Variants in ACOT12 observed in about 807,000 individuals in gnomAD.
ACOT12 encodes the protein acyl-CoA thioesterase 12.
A neutral mutation model predicts 67.7 loss-of-function variants in ACOT12; 51 were observed. The observed-to-expected ratio is 0.75, with a 90% CI of 0.60 to 0.95. ACOT12 has a LOEUF of 0.95. Among genes scored for constraint, ACOT12 ranks in the 40% least tolerant of loss-of-function variants. The pLI, the probability that ACOT12 is intolerant of heterozygous loss-of-function variation, is 0.00. For missense variants in ACOT12, 734 were observed against 708.1 expected (o/e 1.04, Z -0.41); for synonymous variants, 251 against 244.6 (o/e 1.03, Z -0.24).
chr5:81,356,240 C>T (rs1412369478), intron 5 of ACOT12, among the ~76,000 whole-genome samples: 1 of 152,238 alleles, frequency 6.6e-6, no homozygotes, highest in Non-Finnish European at 1.5e-5. Flanking sequence ...TCACCAATGC[C>T]TTCCTGATTC....
Position 81,345,006 on chromosome 5 carries a change from C to G in ACOT12, c.809G>C (p.Cys270Ser). The G allele has an allele frequency of 1.9e-6, 3 of 1,614,020 alleles. No individual in the cohort carries two copies. Among genetic ancestry groups the G allele is most frequent in the Non-Finnish European group, 2.5e-6 (3 of 1,179,994 alleles). Reference sequence around the variant, plus strand: ...CCCTCGGCCCTCGGCCCATTCCTGACAGTCAAAGGCCTCCACGCGAACTCC... The same window carrying G: ...CCCTCGGCCCTCGGCCCATTCCTGAGAGTCAAAGGCCTCCACGCGAACTCC... ...EVGVRVEAFD[C>S]QEWAEGRGRH... The change falls in exon 8 of 15, where the codon TGT becomes TCT. Residue 270 changes from cysteine to serine, a missense_variant. Cys to Ser is a moderately radical substitution (Grantham distance 112, BLOSUM62 -1). Coordinates refer to ENST00000307624, the MANE Select transcript of ACOT12 (RefSeq NM_130767.3).
At chr5:81,328,414 T>G (rs1758726466), downstream of ACOT12, among the ~76,000 whole-genome samples, 3 of 152,196 alleles carry the variant, frequency 2.0e-5, no homozygotes, top group Non-Finnish European at 2.9e-5. Flanking sequence ...TCAATAAATA[T>G]CTGAATGAAT....
Position 81,372,108 on chromosome 5 carries a change from C to T in ACOT12, c.198-298G>A, listed in dbSNP as rs1468625387. On this transcript the variant is annotated intron_variant, in intron 2 of 14. Coordinates refer to ENST00000307624, the MANE Select transcript of ACOT12 (RefSeq NM_130767.3). Reference sequence around the variant, plus strand: ...TCGGCAACACATACTGACTATACAGCAGCTGTTTCCCCAAGAGAAGTTAAG... The same window carrying T: ...TCGGCAACACATACTGACTATACAGTAGCTGTTTCCCCAAGAGAAGTTAAG... Among the ~76,000 whole-genome samples, 3 of 152,312 alleles carry T rather than the reference C, an allele frequency of 2.0e-5. No homozygotes were observed. In the East Asian group the frequency reaches 5.8e-4, roughly 29 times the overall value.
the ACOT12 span, among the ~76,000 whole-genome samples, chr5:81,315,076 T>C: frequency 2.6e-5 from 4 of 152,224 alleles, no homozygotes; most frequent in Non-Finnish European, 4.4e-5. Flanking sequence ...AAATGATTCC[T>C]AAATCTCCAG....
chr5:81,317,489 G>A, the ACOT12 span, among the ~76,000 whole-genome samples: 6 of 143,256 alleles, frequency 4.2e-5, no homozygotes, highest in African/African-American at 1.3e-4. Flanking sequence ...GCAAGAAAGC[G>A]AGACTCCATC....
chr5:81,327,286 A>G (rs1490277941), downstream of ACOT12, among the ~76,000 whole-genome samples: 2 of 151,800 alleles, frequency 1.3e-5, no homozygotes, highest in Non-Finnish European at 2.9e-5. Context: ...AAAATTGATC[A>G]TTTCCTAAAG....
intron 2 of ACOT12, among the ~76,000 whole-genome samples, chr5:81,375,227 T>C (rs925434090): frequency 6.6e-6 from 1 of 152,206 alleles, no homozygotes; most frequent in Non-Finnish European, 1.5e-5. Context: ...CGGAATTTCA[T>C]ATCCAGGCAA....
chr5:81,340,612 G>A (rs576469284), intron 11 of ACOT12, among the ~76,000 whole-genome samples: 5 of 152,120 alleles, frequency 3.3e-5, no homozygotes, highest in South Asian at 4.2e-4. Flanking sequence ...CACCTGCCTC[G>A]GCCTCCCAAA....
At chr5:81,374,527 T>C (rs1412207464) in intron 2 of ACOT12, among the ~76,000 whole-genome samples, 1 of 152,028 alleles carries the variant, frequency 6.6e-6, no homozygotes, top group African/African-American at 2.4e-5. Context: ...AGAAGGTAGG[T>C]AATAACAAAC....
At chr5:81,337,901 C>T (rs1255723637) in intron 11 of ACOT12, among the ~76,000 whole-genome samples, 1 of 152,170 alleles carries the variant, frequency 6.6e-6, no homozygotes, top group Non-Finnish European at 1.5e-5. Context: ...TGGAGCCAAA[C>T]CAAACATCAA....
chr5:81,312,881 A>G, the ACOT12 span: 7 of 338,778 alleles, frequency 2.1e-5, no homozygotes, highest in Admixed American at 3.1e-4. Context: ...GATTAAATGA[A>G]TTCTCTAAAA....
rs745312588 is a variant in ACOT12, at chr5:81,394,048, G to A, written c.67C>T (p.Arg23Cys). 8 of 1,473,386 alleles carry A rather than the reference G, an allele frequency of 5.4e-6. No homozygotes were observed. Among genetic ancestry groups the A allele is most frequent in the East Asian group, 2.9e-5 (1 of 34,104 alleles). 91.3% of individuals were successfully genotyped at this position (1,473,386 alleles called of 1,614,324 possible). Residue 23 changes from arginine to cysteine, a missense_variant, in exon 1 of 15, where the codon CGC becomes TGC. Coordinates refer to ENST00000307624, the MANE Select transcript of ACOT12 (RefSeq NM_130767.3). ...QAIQPAHATA[R>C]GELSAGQLLK... is the part of the protein sequence containing the mutation. ...AGCTGCCCCGCGCTCAGCTCGCCGCGCGCAGTGGCGTGCGCCGGCTGGATG... is the reference window on the plus strand; with the variant it reads ...AGCTGCCCCGCGCTCAGCTCGCCGCACGCAGTGGCGTGCGCCGGCTGGATG...
At chr5:81,312,529 T>C in the ACOT12 span, 1 of 1,591,152 alleles carries the variant, frequency 6.3e-7, no homozygotes, top group Non-Finnish European at 8.6e-7. Context: ...TTCTGATTTT[T>C]CTATTCCTTT....
intron 2 of ACOT12, among the ~76,000 whole-genome samples, chr5:81,382,209 C>T (rs1322569480): frequency 2.6e-5 from 4 of 152,136 alleles, no homozygotes; most frequent in African/African-American, 9.7e-5. Context: ...ATTTCTAATT[C>T]TGTCCGCTGA....
chr5:81,392,703 T>TC (rs1760896234), intron 1 of ACOT12, among the ~76,000 whole-genome samples: 1 of 152,160 alleles, frequency 6.6e-6, no homozygotes, highest in East Asian at 1.9e-4. Flanking sequence ...GTGGATTAAT[T>TC]TTGTATTCAT....
Position 81,332,600 on chromosome 5 carries a change from C to G in ACOT12, c.1268G>C (p.Cys423Ser). 1 of 1,613,986 alleles carries G rather than the reference C, an allele frequency of 6.2e-7. No homozygotes were observed. The highest frequency in any genetic ancestry group is 8.5e-7 in the Non-Finnish European group (1 of 1,179,972). ...RPLWDPHFVS[C>S]EVIDWVSEDD... ...TTCACTCACCCAGTCTATGACTTCA[C>G]AGGACCTGTGTATATAGAACAGTGA... Residue 423 changes from cysteine (C) to serine (S), a missense_variant, in exon 13 of 15, where the codon TGT (cysteine) becomes TCT (serine). Coordinates refer to ENST00000307624, the MANE Select transcript of ACOT12 (RefSeq NM_130767.3).
chr5:81,342,625 C>T (rs773365788), intron 11 of ACOT12, 47 bp downstream of exon 11: 4 of 1,584,128 alleles, frequency 2.5e-6, no homozygotes, highest in East Asian at 2.2e-5. Context: ...CCACAGCTTT[C>T]GTTTGTGATG....
chr5:81,318,787 C>T, the ACOT12 span, among the ~76,000 whole-genome samples: 1 of 152,176 alleles, frequency 6.6e-6, no homozygotes, highest in Non-Finnish European at 1.5e-5. Flanking sequence ...ACAATTGCTG[C>T]TGATTGTTTT....
chr5:81,376,442 G>A (rs1251383350), intron 2 of ACOT12, among the ~76,000 whole-genome samples: 1 of 150,740 alleles, frequency 6.6e-6, no homozygotes, highest in African/African-American at 2.5e-5. Context: ...AGAGAAGCAA[G>A]AGCAAAAAAA....
Sources: gnomAD v4.1 joint callset for allele counts (sites outside exome capture counted in the v4.1 genomes callset) on GRCh38, gnomAD v4.1.1 for gene constraint, MANE v1.5 for transcripts, NCBI Gene and HGNC (gene_info 2026-07-23, HGNC 2026-07-21) for gene names.